MARS1: variants seen among roughly 807,000 people sequenced by gnomAD.
MARS1 encodes the protein methionine--tRNA ligase, cytoplasmic.
Under a neutral mutation model 119.5 loss-of-function variants are expected in MARS1, and 80 were observed. The observed-to-expected ratio is 0.67, with a 90% confidence interval of 0.56 to 0.81. The LOEUF is 0.81. MARS1 is among the 30% of genes least tolerant of loss of function. MARS1 has a pLI of 0.00. For synonymous variants in MARS1, 418 were observed against 433.4 expected, an observed-to-expected ratio of 0.96 and a Z score of 0.44; for missense variants, 945 against 1,116.5, an observed-to-expected ratio of 0.85 and a Z score of 2.19.
chr12:57,492,586 G>C (rs1386231057), intron 7 of MARS1, among the ~76,000 whole-genome samples: 1 of 151,730 alleles, frequency 6.6e-6, no homozygotes, highest in African/African-American at 2.4e-5. Context: ...CAGGAGAATC[G>C]CTTGAACCCG....
chr12:57,495,593 C>A (rs570524333), intron 7 of MARS1, among the ~76,000 whole-genome samples: 1 of 151,894 alleles, frequency 6.6e-6, no homozygotes, highest in African/African-American at 2.4e-5. Flanking sequence ...ACTTCCCAGA[C>A]GGGGTGGCGG....
At position 57,489,515 on chromosome 12, in the gene MARS1, T is replaced by A; in HGVS notation, c.371T>A (p.Ile124Asn). Residue 124 changes from isoleucine to asparagine, a missense_variant, in exon 4 of 21, where the codon ATT becomes AAT. Transcript: ENST00000262027. ...LGSVRRALTH[I>N]DHSLSRQNCP... is the part of the protein sequence containing the mutation. The stretch of plus-strand genomic sequence containing the variant: ...TCAGTGCGGAGAGCCCTGACTCACA[T>A]TGACCACAGCTTGAGTCGTCAGAAC... The A allele has an allele frequency of 6.2e-7, 1 of 1,614,198 alleles. No individual in the cohort carries two copies. The highest frequency in any genetic ancestry group is 8.5e-7 in the Non-Finnish European group (1 of 1,180,024).
intron 11 of MARS1, among the ~76,000 whole-genome samples, chr12:57,511,427 T>C (rs1424419799): frequency 1.3e-5 from 2 of 152,000 alleles, no homozygotes; most frequent in Non-Finnish European, 2.9e-5. Context: ...CTACAAAAAT[T>C]ACAGTCTGGC....
intron 11 of MARS1, chr12:57,511,482 T>G (rs1157429736): frequency 7.1e-6 from 4 of 562,836 alleles, no homozygotes; most frequent in South Asian, 6.4e-5. Flanking sequence ...GAGGTTGAGG[T>G]AGGAGGATTG....
rs1421703005 is a variant in MARS1 at position 57,493,200 on chromosome 12, C to T, written c.770+2556C>T. ...GTAGAGGTGTCTCTTTTATGGGGCT[C>T]AGTTGCTAGCACAGGGCCAAATGTT... On this transcript the variant is annotated intron_variant, in intron 7 of 20. Transcript: ENST00000262027. Among the ~76,000 whole-genome samples the T allele has an allele frequency of 4.8e-5, 7 of 145,172 alleles. No individual in the cohort carries two copies. The East Asian group carries it at 1.2e-3, about 25-fold the overall frequency.
At chr12:57,500,080 C>T (rs1383490109) in intron 9 of MARS1, 2 of 505,814 alleles carry the variant, frequency 4.0e-6, no homozygotes, top group Non-Finnish European at 7.2e-6. Context: ...AATCTGTGTT[C>T]AACAAAAGTG....
chr12:57,508,464 G>A (rs1332041081), intron 11 of MARS1, among the ~76,000 whole-genome samples: 1 of 152,246 alleles, frequency 6.6e-6, no homozygotes, highest in Non-Finnish European at 1.5e-5. Context: ...CTGGAGACCA[G>A]CCCGGCCAAC....
In MARS1 at chr12:57,498,508, G is replaced by A. The variant is rs1876752969; in HGVS notation, c.976G>A (p.Gly326Arg). The A allele has an allele frequency of 6.2e-7, 1 of 1,614,076 alleles. No homozygotes were observed. Among genetic ancestry groups the A allele is most frequent in the African/African-American group, 1.3e-5 (1 of 74,910 alleles). The change falls in exon 9 of 21, where the codon GGA (glycine) becomes AGA (arginine). Residue 326 changes from glycine (G) to arginine (R), a missense_variant. Coordinates refer to ENST00000262027, the MANE Select transcript of MARS1 (RefSeq NM_004990.4). ...TATETKALEEGLTPQEICDKY... is the reference protein window; with the variant it reads ...TATETKALEERLTPQEICDKY... Reference sequence around the variant, plus strand: ...AACAGAGACCAAGGCTCTGGAGGAGGGACTAACCCCCCAGGAGATCTGCGA... The same window carrying A: ...AACAGAGACCAAGGCTCTGGAGGAGAGACTAACCCCCCAGGAGATCTGCGA...
Position 57,511,989 on chromosome 12 carries a change from ACCTCCTTCTGACCTC to A in MARS1, c.1540-17_1540-3del. 1 of 1,611,978 alleles carries A rather than the reference ACCTCCTTCTGACCTC, an allele frequency of 6.2e-7. No homozygotes were observed. Among genetic ancestry groups the A allele is most frequent in the Non-Finnish European group, 8.5e-7 (1 of 1,178,256 alleles). On this transcript the variant is annotated splice_region_variant and splice_polypyrimidine_tract_variant and intron_variant, in intron 12 of 20. Transcript: ENST00000262027. ...CTTTGGATTGGTCCCTAACATGTTT[ACCTCCTTCTGACCTC>A]CAGGTATTCTATGTCTGGTTTGATG...
At chr12:57,507,280 T>C (rs1262192820) in intron 11 of MARS1, among the ~76,000 whole-genome samples, 2 of 149,858 alleles carry the variant, frequency 1.3e-5, no homozygotes, top group African/African-American at 4.9e-5. Flanking sequence ...AACCATCCGA[T>C]TTCTCAATCT....
chr12:57,488,786 C>G (rs1875678107), intron 1 of MARS1: 1 of 899,664 alleles, frequency 1.1e-6, no homozygotes, highest in Admixed American at 2.2e-5. Flanking sequence ...CCACCACCTC[C>G]TCTGCAGTCC....
intron 13 of MARS1, 53 bp from the exon 14 acceptor site, chr12:57,512,183 C>T (rs750666953): frequency 5.6e-6 from 9 of 1,600,924 alleles, no homozygotes; most frequent in African/African-American, 5.4e-5. Context: ...TCTGGTCTTC[C>T]TTGGGCCTTT....
rs1875676428 is a variant in MARS1 at position 57,488,780 on chromosome 12, C to T, written c.110-239C>T. The T allele has an allele frequency of 2.7e-5, 26 of 949,638 alleles. No homozygotes were observed. In the South Asian group the frequency reaches 3.9e-4, roughly 14 times the overall value. The allele number at this position is 949,638 out of a possible 1,614,324, so 58.8% of individuals were successfully genotyped here. ...GGCTGCAGCACTATCCCAATACCACCACCTCCTCTGCAGTCCCCATCTGTT... is the reference window on the plus strand; with the variant it reads ...GGCTGCAGCACTATCCCAATACCACTACCTCCTCTGCAGTCCCCATCTGTT... On this transcript the variant is annotated intron_variant, in intron 1 of 20. Coordinates refer to ENST00000262027, the MANE Select transcript of MARS1 (RefSeq NM_004990.4).
chr12:57,490,497 G>T, intron 6 of MARS1, 41 bp from the exon 7 acceptor site: 1 of 1,611,192 alleles, frequency 6.2e-7, no homozygotes, highest in Non-Finnish European at 8.5e-7. Flanking sequence ...TACCCTGTGG[G>T]CCCTCCTCAC....
chr12:57,498,190 C>G lies in MARS1; in HGVS notation c.804C>G (p.Ile268Met), dbSNP rs1421551773. The G allele has an allele frequency of 3.1e-6, 5 of 1,614,168 alleles. No individual in the cohort carries two copies. The highest frequency in any genetic ancestry group is 4.2e-6 in the Non-Finnish European group (5 of 1,179,990). ...LPVAGERNVL[I>M]TSALPYVNNV... Reference sequence around the variant, plus strand: ...TGGCTGGAGAAAGGAATGTGCTCATCACCAGTGCCCTCCCTTACGTCAACA... The same window carrying G: ...TGGCTGGAGAAAGGAATGTGCTCATGACCAGTGCCCTCCCTTACGTCAACA... Residue 268 changes from isoleucine (I) to methionine (M), a missense_variant, in exon 8 of 21, where the codon ATC (isoleucine) becomes ATG (methionine). Coordinates refer to ENST00000262027, the MANE Select transcript of MARS1 (RefSeq NM_004990.4).
At chr12:57,488,567 C>A in intron 1 of MARS1, 2 of 1,550,078 alleles carry the variant, frequency 1.3e-6, no homozygotes, top group Non-Finnish European at 1.7e-6. Flanking sequence ...CTTAGGAAAT[C>A]CCTCTCTCCC....
At chr12:57,498,041 G>C in intron 7 of MARS1, 116 bp from the exon 8 acceptor site, 1 of 717,468 alleles carries the variant, frequency 1.4e-6, no homozygotes, top group Admixed American at 2.1e-5. Flanking sequence ...AAGACTTCAA[G>C]TGTACATGAA....
chr12:57,500,159 T>A (rs1876851550), intron 9 of MARS1, 162 bp from the exon 10 acceptor site: 4 of 684,788 alleles, frequency 5.8e-6, no homozygotes, highest in Non-Finnish European at 8.0e-6. Context: ...TCTGAGCTCA[T>A]CCAGTAAAAC....
At chr12:57,504,952 G>A (rs1388174072) in intron 11 of MARS1, among the ~76,000 whole-genome samples, 1 of 151,004 alleles carries the variant, frequency 6.6e-6, no homozygotes, top group African/African-American at 2.4e-5. Context: ...GATCTGCCTG[G>A]CTCAGCCTCC....
Sources: allele counts gnomAD v4.1 joint callset (sites outside exome capture counted in the v4.1 genomes callset), GRCh38; gene constraint gnomAD v4.1.1; transcripts MANE v1.5; gene names NCBI Gene and HGNC (gene_info 2026-07-23, HGNC 2026-07-21).